Variants in CNTNAP2 observed in about 807,000 individuals in gnomAD.
CNTNAP2 encodes the protein contactin-associated protein-like 2.
CNTNAP2 carries 98 observed loss-of-function variants against 155.2 expected under a neutral mutation model. That is an observed-to-expected ratio of 0.63 (90% CI 0.54 to 0.75). CNTNAP2 has a LOEUF of 0.75. Ranked by LOEUF, CNTNAP2 falls within the 30% of genes least tolerant of loss-of-function variation. The pLI is 0.00. For missense variants in CNTNAP2, 1,727 were observed against 1,688.1 expected (o/e 1.02, Z -0.40); for synonymous variants, 651 against 631.2 (o/e 1.03, Z -0.47).
chr7:147,301,975 CTTTA>C (rs1401739544), intron 9 of CNTNAP2, among the ~76,000 whole-genome samples: 1 of 152,086 alleles, frequency 6.6e-6, no homozygotes, highest in Non-Finnish European at 1.5e-5. Context: ...GGCTCTGCTT[CTTTA>C]ATCTTCCATA....
At chr7:146,404,080 C>G (rs1362066162) in intron 1 of CNTNAP2, among the ~76,000 whole-genome samples, 20 of 137,794 alleles carry the variant, frequency 1.5e-4, no homozygotes, top group Non-Finnish European at 2.3e-4. Context: ...AGCCGAGATC[C>G]CGCCACTGCA....
At chr7:146,364,446 A>G (rs1431290551) in intron 1 of CNTNAP2, among the ~76,000 whole-genome samples, 1 of 152,044 alleles carries the variant, frequency 6.6e-6, no homozygotes. Context: ...GTACTTATCT[A>G]TTTTTTTCAA....
chr7:146,781,131 G>A (rs1244004331), intron 2 of CNTNAP2, among the ~76,000 whole-genome samples: 1 of 151,078 alleles, frequency 6.6e-6, no homozygotes. Flanking sequence ...GGGAGGCTGA[G>A]ACAGGAGAAT....
At chr7:147,533,130 A>T (rs1378037002) in intron 11 of CNTNAP2, among the ~76,000 whole-genome samples, 1 of 152,234 alleles carries the variant, frequency 6.6e-6, no homozygotes, top group Non-Finnish European at 1.5e-5. Context: ...GATTATAATG[A>T]CAAAGCTATA....
At chr7:147,659,517 A>G (rs1171122670) in intron 13 of CNTNAP2, among the ~76,000 whole-genome samples, 2 of 152,222 alleles carry the variant, frequency 1.3e-5, no homozygotes, top group African/African-American at 2.4e-5. Context: ...CTTATTATCT[A>G]TCTGTGCATT....
In CNTNAP2 at chr7:146,588,004, GTA is replaced by G. The variant is rs200918542; in HGVS notation, c.98-186265_98-186264del. ...ATTAATTTTCAAACAAACCGTGTGT[GTA>G]TGTGTGTGTGTGTGTGTGTGTGTGT... is the stretch of plus-strand genomic sequence containing the variant. On this transcript the variant is annotated intron_variant, in intron 1 of 23. Transcript: ENST00000361727. 9.2e-3 allele frequency among the ~76,000 whole-genome samples: 1,195 copies of G among 129,984 alleles called. 5 individuals are homozygous for G. Among genetic ancestry groups the G allele is most frequent in the Middle Eastern group, 0.02 (5 of 250 alleles). The allele number at this position is 129,984 out of a possible 152,430, so 85.3% of individuals were successfully genotyped here. A position where few individuals can be genotyped will look rare whatever the true frequency, so the allele number is the denominator to read the frequency against.
chr7:147,072,661 GA>G (rs1799915684), intron 4 of CNTNAP2, among the ~76,000 whole-genome samples: 1 of 151,982 alleles, frequency 6.6e-6, no homozygotes, highest in Admixed American at 6.6e-5. Context: ...GGCTGTGGTG[GA>G]AAAAAGTGCT....
intron 13 of CNTNAP2, among the ~76,000 whole-genome samples, chr7:147,890,188 A>AAAT (rs2116729846): frequency 6.6e-6 from 1 of 152,364 alleles, no homozygotes; most frequent in Non-Finnish European, 1.5e-5. Flanking sequence ...TCTCTACTAA[A>AAAT]AATAATAATA....
intron 13 of CNTNAP2, among the ~76,000 whole-genome samples, chr7:147,722,136 G>A (rs1011310110): frequency 5.9e-5 from 9 of 152,162 alleles, no homozygotes; most frequent in Admixed American, 1.3e-4. Context: ...AACCATCAGC[G>A]TGCCCTTTCC....
At chr7:146,925,057 G>T (rs1342998388) in intron 3 of CNTNAP2, among the ~76,000 whole-genome samples, 2 of 152,046 alleles carry the variant, frequency 1.3e-5, no homozygotes, top group African/African-American at 4.8e-5. Context: ...TCTTTGGATG[G>T]TTGTAAGTTC....
At chr7:146,339,760 T>C (rs1005471681) in intron 1 of CNTNAP2, among the ~76,000 whole-genome samples, 25 of 152,264 alleles carry the variant, frequency 1.6e-4, no homozygotes, top group African/African-American at 5.8e-4. Flanking sequence ...ACTCAAGCTT[T>C]GTTTAGAACC....
At chr7:147,858,016 G>C (rs117335671) in intron 13 of CNTNAP2, among the ~76,000 whole-genome samples, 1 of 152,264 alleles carries the variant, frequency 6.6e-6, no homozygotes, top group East Asian at 1.9e-4. Context: ...ACTCATTTCA[G>C]ACCCAAGTAT....
intron 13 of CNTNAP2, among the ~76,000 whole-genome samples, chr7:147,706,707 TG>T (rs1467835712): frequency 2.0e-5 from 3 of 152,208 alleles, no homozygotes; most frequent in African/African-American, 7.2e-5. Context: ...GCTATTATTT[TG>T]TTAAATAGGT....
chr7:146,682,944 T>C (rs1800530584), intron 1 of CNTNAP2, among the ~76,000 whole-genome samples: 1 of 152,228 alleles, frequency 6.6e-6, no homozygotes, highest in South Asian at 2.1e-4. Context: ...GAATACATAC[T>C]ACTGACATGG....
chr7:146,614,786 T>A (rs918672977), intron 1 of CNTNAP2, among the ~76,000 whole-genome samples: 3 of 152,166 alleles, frequency 2.0e-5, no homozygotes, highest in African/African-American at 7.2e-5. Context: ...TACCACTAAC[T>A]TGAGTGACCT....
At chr7:148,025,807 T>C (rs1194209503) in intron 15 of CNTNAP2, among the ~76,000 whole-genome samples, 2 of 152,198 alleles carry the variant, frequency 1.3e-5, no homozygotes, top group African/African-American at 4.8e-5. Context: ...GCCTAATGAA[T>C]GAAAAAATTA....
intron 1 of CNTNAP2, among the ~76,000 whole-genome samples, chr7:146,236,925 A>G (rs1799483692): frequency 6.6e-6 from 1 of 152,134 alleles, no homozygotes; most frequent in East Asian, 1.9e-4. Context: ...TTCATGTTTC[A>G]GGGTTGAACA....
In CNTNAP2 at chr7:146,547,880, C is replaced by A. The variant is rs188530525; in HGVS notation, c.98-226391C>A. On this transcript the variant is annotated intron_variant, in intron 1 of 23. Transcript: ENST00000361727. ...TTTAAAGGAACCTTAATACGGTTTC[C>A]GTAGCAGCTGCACCATTTTGCATTC... Among the ~76,000 whole-genome samples the A allele has an allele frequency of 4.7e-5, 7 of 150,340 alleles. No individual in the cohort carries two copies. The East Asian group carries it at 1.4e-3, about 29-fold the overall frequency.
chr7:147,868,933 G>A (rs1799279452), intron 13 of CNTNAP2, among the ~76,000 whole-genome samples: 1 of 152,240 alleles, frequency 6.6e-6, no homozygotes, highest in African/African-American at 2.4e-5. Context: ...CTTCCCAGGT[G>A]AGGCAACGCC....
Sources: allele counts gnomAD v4.1 joint callset (sites outside exome capture counted in the v4.1 genomes callset), GRCh38; gene constraint gnomAD v4.1.1; transcripts MANE v1.5; gene names NCBI Gene and HGNC (gene_info 2026-07-23, HGNC 2026-07-21).